The following UBXN2B variants were observed in gnomAD, a reference collection of about 807,000 sequenced individuals.
The protein encoded by UBXN2B is UBX domain protein 2B, also known as UBX domain-containing protein 2B.
A neutral mutation model predicts 37.5 loss-of-function variants in UBXN2B; 19 were observed. The observed-to-expected ratio is 0.51, with a 90% CI of 0.35 to 0.74. The LOEUF is 0.74. Ranked by LOEUF, UBXN2B falls within the 30% of genes least tolerant of loss-of-function variation. The pLI, the probability that UBXN2B is intolerant of heterozygous loss-of-function variation, is 0.01. For synonymous variants in UBXN2B, 145 were observed against 143.8 expected (o/e 1.01, Z -0.06); for missense variants, 370 against 393.2 (o/e 0.94, Z 0.50).
chr8:58,424,531 T>G, intron 2 of UBXN2B: 1 of 809,778 alleles, frequency 1.2e-6, no homozygotes, highest in Non-Finnish European at 2.1e-6. Flanking sequence ...GTTTGATCTT[T>G]TTAGGGAGAG....
chr8:58,442,968 A>G (rs1386130978), intron 6 of UBXN2B, among the ~76,000 whole-genome samples: 2 of 152,140 alleles, frequency 1.3e-5, no homozygotes, highest in African/African-American at 4.8e-5. Context: ...CTAAAACTTC[A>G]AAGCCTTACT....
chr8:58,424,784 C>T, intron 2 of UBXN2B: 2 of 1,446,250 alleles, frequency 1.4e-6, no homozygotes, highest in Non-Finnish European at 1.9e-6. Context: ...TGCTCTTCTT[C>T]AATCCTGCGC....
chr8:58,436,167 T>C (rs548669163), intron 5 of UBXN2B, among the ~76,000 whole-genome samples: 4 of 152,272 alleles, frequency 2.6e-5, no homozygotes, highest in East Asian at 1.9e-4. Context: ...AAAAATGAAG[T>C]ATATGAGGTT....
At chr8:58,437,047 G>A (rs562537367) in intron 5 of UBXN2B, among the ~76,000 whole-genome samples, 2 of 152,182 alleles carry the variant, frequency 1.3e-5, no homozygotes, top group African/African-American at 4.8e-5. Context: ...GACTTTGGAC[G>A]TCCTTGAAGA....
chr8:58,414,233 G>T (rs532618990), intron 1 of UBXN2B, among the ~76,000 whole-genome samples: 2 of 152,182 alleles, frequency 1.3e-5, no homozygotes, highest in Non-Finnish European at 2.9e-5. Flanking sequence ...TGACCTGGAA[G>T]GCTTGTCAGA....
In UBXN2B at chr8:58,447,793, C is replaced by G. The variant is rs1318141864; in HGVS notation, c.*242C>G. 1 of 323,642 alleles carries G rather than the reference C, an allele frequency of 3.1e-6. No homozygotes were observed. Among genetic ancestry groups the G allele is most frequent in the East Asian group, 5.0e-5 (1 of 20,064 alleles). 20.0% of individuals were successfully genotyped at this position (323,642 alleles called of 1,614,324 possible). ...GCTTATGTTGATAGTTTTTGGATTT[C>G]TAGGCAAATGAGTTGTTACATGCTT... On this transcript the variant is annotated 3_prime_UTR_variant, in exon 8 of 8. Coordinates refer to ENST00000399598, the MANE Select transcript of UBXN2B (RefSeq NM_001077619.2).
At chr8:58,436,314 C>T (rs1274745521) in intron 5 of UBXN2B, among the ~76,000 whole-genome samples, 2 of 152,170 alleles carry the variant, frequency 1.3e-5, no homozygotes, top group Non-Finnish European at 2.9e-5. Context: ...TATATTAATA[C>T]AATAGCCTAA....
chr8:58,417,805 C>T (rs1161280437), intron 2 of UBXN2B, among the ~76,000 whole-genome samples: 2 of 152,140 alleles, frequency 1.3e-5, no homozygotes, highest in African/African-American at 4.8e-5. Context: ...AACTTGTGCA[C>T]GCATGTATTC....
At position 58,416,776 on chromosome 8, in the gene UBXN2B, T is replaced by C. The variant is rs1807794638; in HGVS notation, c.85-74T>C. 7.0e-6 allele frequency: 9 copies of C among 1,282,374 alleles called. No homozygotes were observed. The South Asian group carries it at 1.2e-4, about 17-fold the overall frequency. The allele number at this position is 1,282,374 out of a possible 1,614,324, so 79.4% of individuals were successfully genotyped here. A position where few individuals can be genotyped will look rare whatever the true frequency, so the allele number is the denominator to read the frequency against. Reference sequence around the variant, plus strand: ...ACCACTCAATTTTAAGTTAGTGTTCTATACATAACTTCTAGTTGTATGGAA... The same window carrying C: ...ACCACTCAATTTTAAGTTAGTGTTCCATACATAACTTCTAGTTGTATGGAA... On this transcript the variant is annotated intron_variant, in intron 1 of 7. Coordinates refer to ENST00000399598, the MANE Select transcript of UBXN2B (RefSeq NM_001077619.2).
At chr8:58,441,348 C>CGTGTGTATATATATATATATATATATAT (rs1242681481) in intron 6 of UBXN2B, among the ~76,000 whole-genome samples, 2 of 104,660 alleles carry the variant, frequency 1.9e-5, no homozygotes, top group African/African-American at 8.0e-5. Flanking sequence ...TTGTGATCAA[C>CGTGTGTATATATATATATATATATATAT]ATATATATAT....
rs1261545689 is a variant in UBXN2B at position 58,451,239 on chromosome 8, A to T, written c.*3688A>T. The T allele has an allele frequency of 2.0e-5, 3 of 152,320 alleles. No homozygotes were observed. The highest frequency in any genetic ancestry group is 2.9e-5 in the Non-Finnish European group (2 of 68,044). The allele number at this position is 152,320 out of a possible 1,614,324, so 9.4% of individuals were successfully genotyped here. A position where few individuals can be genotyped will look rare whatever the true frequency, so the allele number is the denominator to read the frequency against. ...TTTTTGTATATAATAGTCTTCCAAGATAGAGATTTACATTAGGAGAGAATT... is the reference window on the plus strand; with the variant it reads ...TTTTTGTATATAATAGTCTTCCAAGTTAGAGATTTACATTAGGAGAGAATT... On this transcript the variant is annotated 3_prime_UTR_variant, in exon 8 of 8. Transcript: ENST00000399598.
At chr8:58,426,344 C>T (rs1371049472) in intron 2 of UBXN2B, among the ~76,000 whole-genome samples, 1 of 151,790 alleles carries the variant, frequency 6.6e-6, no homozygotes, top group African/African-American at 2.4e-5. Flanking sequence ...GTAGCTGGGA[C>T]TACAGGTGCC....
chr8:58,437,766 G>A (rs1228497547), intron 5 of UBXN2B, among the ~76,000 whole-genome samples: 2 of 152,178 alleles, frequency 1.3e-5, no homozygotes, highest in Admixed American at 6.5e-5. Flanking sequence ...TTGAAGTTTG[G>A]AAAATTCTCA....
chr8:58,424,575 T>A (rs1808023346), intron 2 of UBXN2B: 2 of 1,045,744 alleles, frequency 1.9e-6, no homozygotes, highest in South Asian at 2.5e-5. Context: ...TGCTGAAGTT[T>A]TGGCAGATTT....
intron 5 of UBXN2B, among the ~76,000 whole-genome samples, chr8:58,437,843 A>C (rs1808452790): frequency 6.6e-6 from 1 of 152,176 alleles, no homozygotes. Context: ...CTGTGGAGCA[A>C]CCACTTGATA....
At chr8:58,430,845 C>G (rs937606563) in intron 3 of UBXN2B, among the ~76,000 whole-genome samples, 176 bp downstream of exon 3, 3 of 152,044 alleles carry the variant, frequency 2.0e-5, no homozygotes, top group African/African-American at 7.2e-5. Flanking sequence ...CAATTTCTTA[C>G]ATTTCTGAAC....
At chr8:58,428,835 A>G (rs1047850810) in intron 2 of UBXN2B, among the ~76,000 whole-genome samples, 2 of 152,236 alleles carry the variant, frequency 1.3e-5, no homozygotes, top group African/African-American at 4.8e-5. Context: ...ATCATAGGCA[A>G]CTTGATTTAT....
At chr8:58,447,291 A>G in intron 7 of UBXN2B, 98 bp from the exon 8 acceptor site, 1 of 1,149,232 alleles carries the variant, frequency 8.7e-7, no homozygotes, top group Non-Finnish European at 1.2e-6. Context: ...CCTTTATATA[A>G]AGATTAAAAT....
At chr8:58,426,693 C>G in intron 2 of UBXN2B, 1 of 712,452 alleles carries the variant, frequency 1.4e-6, no homozygotes, top group Non-Finnish European at 2.6e-6. Context: ...CATGTTCCTC[C>G]CACATTCCGG....
Sources: gnomAD v4.1 joint callset for allele counts (sites outside exome capture counted in the v4.1 genomes callset) on GRCh38, gnomAD v4.1.1 for gene constraint, MANE v1.5 for transcripts, NCBI Gene and HGNC (gene_info 2026-07-23, HGNC 2026-07-21) for gene names.